Variants in LIN28B observed in about 807,000 individuals in gnomAD.
The protein encoded by LIN28B is protein lin-28 homolog B.
LIN28B carries 5 observed loss-of-function variants against 21.9 expected under a neutral mutation model. That is an observed-to-expected ratio of 0.23 (90% CI 0.12 to 0.48). The LOEUF is 0.48. Among genes scored for constraint, LIN28B ranks in the 20% least tolerant of loss-of-function variants. The pLI is 0.98. For missense variants in LIN28B, 245 were observed against 310.5 expected, an observed-to-expected ratio of 0.79 and a Z score of 1.58; for synonymous variants, 109 against 111.3, an observed-to-expected ratio of 0.98 and a Z score of 0.13.
rs887095602 is a variant in LIN28B at position 105,032,674 on chromosome 6, A to G, written c.383+6192A>G. Among the ~76,000 whole-genome samples the G allele has an allele frequency of 2.0e-5, 3 of 152,000 alleles. 1 individual carries two copies. Among genetic ancestry groups the G allele is most frequent in the Non-Finnish European group, 4.4e-5 (3 of 68,008 alleles). On this transcript the variant is annotated intron_variant, in intron 3 of 3. Transcript: ENST00000345080. The stretch of plus-strand genomic sequence containing the variant: ...GAGGTCAAAGATGCAGTGGGTCGTG[A>G]TCAGTCTACTGCACCCTAGCCAGGG...
chr6:104,968,265 A>G (rs1769904594), intron 2 of LIN28B, among the ~76,000 whole-genome samples: 1 of 152,226 alleles, frequency 6.6e-6, no homozygotes, highest in African/African-American at 2.4e-5. Context: ...TCCTTTTACG[A>G]AGTCTAATTA....
chr6:104,996,224 A>G (rs1770598248), intron 2 of LIN28B, among the ~76,000 whole-genome samples: 1 of 152,190 alleles, frequency 6.6e-6, no homozygotes, highest in African/African-American at 2.4e-5. Context: ...GTGGTTGGGT[A>G]TCTTAACAAT....
chr6:104,968,030 A>G (rs1285901435), intron 2 of LIN28B, among the ~76,000 whole-genome samples: 1 of 152,210 alleles, frequency 6.6e-6, no homozygotes, highest in Non-Finnish European at 1.5e-5. Flanking sequence ...GTAAATCAAC[A>G]AGATGGCTTA....
At chr6:104,993,851 A>AG (rs1270987983) in intron 2 of LIN28B, among the ~76,000 whole-genome samples, 1 of 151,386 alleles carries the variant, frequency 6.6e-6, no homozygotes, top group African/African-American at 2.4e-5. Flanking sequence ...AAAAAAAAAA[A>AG]GTTAAGACCC....
At chr6:105,056,727 C>T (rs1348678118) in intron 3 of LIN28B, among the ~76,000 whole-genome samples, 1 of 152,198 alleles carries the variant, frequency 6.6e-6, no homozygotes, top group Non-Finnish European at 1.5e-5. Context: ...TTGCACAGAT[C>T]TCTTCTCTCC....
intron 3 of LIN28B, among the ~76,000 whole-genome samples, chr6:105,052,282 TGTCTTA>T (rs1257962764): frequency 6.6e-6 from 1 of 152,124 alleles, no homozygotes; most frequent in Non-Finnish European, 1.5e-5. Flanking sequence ...GGTGAGATGG[TGTCTTA>T]GTCTACTTTG....
intron 3 of LIN28B, among the ~76,000 whole-genome samples, chr6:105,036,977 AATGAACATT>A (rs1409055940): frequency 6.6e-6 from 1 of 152,198 alleles, no homozygotes; most frequent in African/African-American, 2.4e-5. Flanking sequence ...TAGATGTTTA[AATGAACATT>A]ATGACATTGT....
At chr6:104,972,648 A>G (rs1770003338) in intron 2 of LIN28B, among the ~76,000 whole-genome samples, 1 of 152,182 alleles carries the variant, frequency 6.6e-6, no homozygotes, top group Non-Finnish European at 1.5e-5. Context: ...TTTGATTTCT[A>G]GATTTTCTTT....
intron 3 of LIN28B, among the ~76,000 whole-genome samples, chr6:105,073,358 C>T (rs1447312108): frequency 1.3e-5 from 2 of 152,020 alleles, no homozygotes; most frequent in South Asian, 4.2e-4. Context: ...TGTGACTTTT[C>T]TTTAGCCCCT....
intron 2 of LIN28B, among the ~76,000 whole-genome samples, chr6:104,962,360 AT>A (rs1769764790): frequency 6.6e-6 from 1 of 151,954 alleles, no homozygotes; most frequent in Admixed American, 6.6e-5. Context: ...ATTCATCTTC[AT>A]TTACCTTACA....
intron 2 of LIN28B, among the ~76,000 whole-genome samples, chr6:105,021,538 A>T (rs962201457): frequency 6.6e-6 from 1 of 152,136 alleles, no homozygotes; most frequent in Admixed American, 6.6e-5. Flanking sequence ...CTTTTTAATA[A>T]TAGCCATTCT....
intron 2 of LIN28B, among the ~76,000 whole-genome samples, chr6:105,000,205 G>C (rs1770694049): frequency 6.6e-6 from 1 of 151,978 alleles, no homozygotes; most frequent in Non-Finnish European, 1.5e-5. Flanking sequence ...AATGAAAAAA[G>C]TATAGTATGA....
chr6:105,060,294 C>T (rs1178109017), intron 3 of LIN28B, among the ~76,000 whole-genome samples: 2 of 148,750 alleles, frequency 1.3e-5, no homozygotes, highest in South Asian at 2.2e-4. Context: ...GATAGGGTCT[C>T]GCCTTTTTGC....
rs1487209552 is a variant in LIN28B, at chr6:105,082,893, C to G, written c.*4110C>G. 1 of 152,662 alleles carries G rather than the reference C, an allele frequency of 6.6e-6. No homozygotes were observed. The highest frequency in any genetic ancestry group is 2.4e-5 in the African/African-American group (1 of 41,460). The allele number at this position is 152,662 out of a possible 1,614,324, so 9.5% of individuals were successfully genotyped here. A position where few individuals can be genotyped will look rare whatever the true frequency, so the allele number is the denominator to read the frequency against. ...GTGTTGACTACCTCTTGAATCACAT[C>G]TATCAACCACTGGCACCTACCACCA... On this transcript the variant is annotated 3_prime_UTR_variant, in exon 4 of 4. Transcript: ENST00000345080.
intron 3 of LIN28B, among the ~76,000 whole-genome samples, chr6:105,038,881 C>T (rs908867014): frequency 6.6e-6 from 1 of 152,208 alleles, no homozygotes; most frequent in African/African-American, 2.4e-5. Context: ...TCATGTTGAA[C>T]TAGCAGAAAT....
At chr6:104,980,821 C>T (rs1208866239) in intron 2 of LIN28B, among the ~76,000 whole-genome samples, 2 of 151,946 alleles carry the variant, frequency 1.3e-5, no homozygotes, top group Admixed American at 6.6e-5. Context: ...GTTGGCTGTT[C>T]TACTCATTTT....
intron 3 of LIN28B, among the ~76,000 whole-genome samples, chr6:105,077,127 G>A (rs1360448087): frequency 1.3e-4 from 19 of 151,906 alleles, no homozygotes; most frequent in Non-Finnish European, 2.9e-5. Flanking sequence ...CTACTCCCGA[G>A]GCTGAGGCAG....
In LIN28B at chr6:105,038,904, C is replaced by T. The variant is rs974468742; in HGVS notation, c.383+12422C>T. Among the ~76,000 whole-genome samples the T allele has an allele frequency of 2.0e-4, 30 of 152,146 alleles. 1 individual carries two copies. Among genetic ancestry groups the T allele is most frequent in the African/African-American group, 7.2e-4 (30 of 41,432 alleles). On this transcript the variant is annotated intron_variant, in intron 3 of 3. Transcript: ENST00000345080. ...AACTAGCAGAAATTTCAAAGTCTGA[C>T]AGTACCAAGCATTGTGAAGAACGTT... is the stretch of plus-strand genomic sequence containing the variant.
chr6:104,954,321 G>C (rs1778258040), upstream of LIN28B, among the ~76,000 whole-genome samples: 1 of 152,098 alleles, frequency 6.6e-6, no homozygotes, highest in African/African-American at 2.4e-5. Flanking sequence ...CACTCTAGGA[G>C]CTTTAAAAGC....
Sources: allele counts gnomAD v4.1 joint callset (sites outside exome capture counted in the v4.1 genomes callset), GRCh38; gene constraint gnomAD v4.1.1; transcripts MANE v1.5; gene names NCBI Gene and HGNC (gene_info 2026-07-23, HGNC 2026-07-21).